The following FAM171B variants were observed in gnomAD, a reference collection of about 807,000 sequenced individuals.
The protein encoded by FAM171B is family with sequence similarity 171 member B, also known as protein FAM171B.
In FAM171B, 19 loss-of-function variants were observed where a neutral mutation model predicts 75.6. The ratio of observed to expected loss-of-function variants is 0.25; its 90% CI spans 0.18 to 0.37. The LOEUF is 0.37. FAM171B is among the 10% of genes least tolerant of loss of function. The probability of loss-of-function intolerance (pLI) is 1.00; values close to 1 mark genes in which losing one functional copy is unlikely to be tolerated. For missense variants in FAM171B, 848 were observed against 982.4 expected, an observed-to-expected ratio of 0.86 and a Z score of 1.83; for synonymous variants, 367 against 361.7, an observed-to-expected ratio of 1.01 and a Z score of -0.17.
At chr2:186,728,186 A>G (rs1342933711) in intron 1 of FAM171B, among the ~76,000 whole-genome samples, 1 of 152,180 alleles carries the variant, frequency 6.6e-6, no homozygotes, top group Non-Finnish European at 1.5e-5. Context: ...AGCAAAGTAG[A>G]TATTAGTGTC....
intron 4 of FAM171B, among the ~76,000 whole-genome samples, chr2:186,748,116 G>A (rs527496786): frequency 1.3e-5 from 2 of 152,048 alleles, no homozygotes; most frequent in East Asian, 3.9e-4. Context: ...TAGGGATGGG[G>A]TTTCGCCATG....
chr2:186,727,182 T>C (rs1258896688), intron 1 of FAM171B, among the ~76,000 whole-genome samples: 1 of 152,158 alleles, frequency 6.6e-6, no homozygotes, highest in African/African-American at 2.4e-5. Context: ...AACCTGACTT[T>C]TGCAGAGAGA....
Position 186,761,812 on chromosome 2 carries a change from G to T in FAM171B, c.1470G>T (p.Gly490=). 1.9e-6 allele frequency: 3 copies of T among 1,613,082 alleles called. No homozygotes were observed. Among genetic ancestry groups the T allele is most frequent in the Non-Finnish European group, 2.5e-6 (3 of 1,179,738 alleles). The change falls in exon 8 of 8, where the codon GGG becomes GGT. Residue 490 remains glycine (G), a synonymous_variant. Transcript: ENST00000304698. The part of the protein sequence containing the change: ...NPTQSLEPNV[G]SKQPKHINNN... ...CACAGTCTTTGGAGCCCAATGTAGG[G>T]TCCAAACAACCTAAACATATTAACA...
At position 186,743,528 on chromosome 2, in the gene FAM171B, A is replaced by T; in HGVS notation, c.518A>T (p.Asn173Ile). 1 of 1,613,352 alleles carries T rather than the reference A, an allele frequency of 6.2e-7. No homozygotes were observed. The highest frequency in any genetic ancestry group is 8.5e-7 in the Non-Finnish European group (1 of 1,179,406). ...TCACTGTTCCCGCAAAGCCAAGCAA[A>T]TATATGGCTATTTGAAGACACTGTT... ...TLSLFPQSQANIWLFEDTVLI... is the reference protein window; with the variant it reads ...TLSLFPQSQAIIWLFEDTVLI... Residue 173 changes from asparagine (N) to isoleucine (I), a missense_variant, in exon 3 of 8, where the codon AAT (asparagine) becomes ATT (isoleucine). Around this residue, in one of 3 missense-constraint regions of FAM171B, gnomAD observed 665 missense variants for 729.0 expected, o/e 0.91. Coordinates refer to ENST00000304698, the MANE Select transcript of FAM171B (RefSeq NM_177454.4).
intron 6 of FAM171B, among the ~76,000 whole-genome samples, chr2:186,758,128 G>A (rs1384786679): frequency 1.6e-5 from 2 of 121,938 alleles, no homozygotes; most frequent in African/African-American, 6.0e-5. Flanking sequence ...AGCGAAAACT[G>A]AGTGCTTATC....
In FAM171B at chr2:186,761,947, C is replaced by T. The variant is rs768464704; in HGVS notation, c.1605C>T (p.Tyr535=). 2 of 1,613,390 alleles carry T rather than the reference C, an allele frequency of 1.2e-6. No homozygotes were observed. Among genetic ancestry groups the T allele is most frequent in the East Asian group, 2.2e-5 (1 of 44,822 alleles). ...TTCCTGAACAGCTTATGCATATTTA[C>T]AGCCAACCCATTGCCATCCTTCAAA... The part of the protein sequence containing the change: ...SHIPEQLMHI[Y]SQPIAILQTS... The change falls in exon 8 of 8, where the codon TAC becomes TAT. Residue 535 remains tyrosine (Y), a synonymous_variant. Coordinates refer to ENST00000304698, the MANE Select transcript of FAM171B (RefSeq NM_177454.4).
At chr2:186,700,442 G>T (rs1479096295) in intron 1 of FAM171B, among the ~76,000 whole-genome samples, 2 of 152,000 alleles carry the variant, frequency 1.3e-5, no homozygotes, top group African/African-American at 4.8e-5. Flanking sequence ...CTGATGTGTT[G>T]ATTTCATTTT....
At chr2:186,705,967 C>A (rs1282071353) in intron 1 of FAM171B, among the ~76,000 whole-genome samples, 1 of 152,124 alleles carries the variant, frequency 6.6e-6, no homozygotes, top group Non-Finnish European at 1.5e-5. Context: ...CCTGAAAAAA[C>A]CCTTTGTTCA....
chr2:186,762,841 TG>T lies in FAM171B; in HGVS notation c.*19del. On this transcript the variant is annotated 3_prime_UTR_variant, in exon 8 of 8. Transcript: ENST00000304698. The surrounding 1 kb of genome is among the most constrained non-coding windows in gnomAD (Gnocchi z 4.0). ...TAAATTAACTCCAATGGGGATTGTGTGTCTGCTGTCTCGTGCTGTTTATTCT... is the reference window on the plus strand; with the variant it reads ...TAAATTAACTCCAATGGGGATTGTGTTCTGCTGTCTCGTGCTGTTTATTCT... The T allele has an allele frequency of 6.3e-7, 1 of 1,592,804 alleles. No individual in the cohort carries two copies. The highest frequency in any genetic ancestry group is 8.6e-7 in the Non-Finnish European group (1 of 1,169,466).
intron 6 of FAM171B, among the ~76,000 whole-genome samples, chr2:186,754,353 C>T (rs1690498993): frequency 2.6e-5 from 4 of 152,070 alleles, no homozygotes; most frequent in African/African-American, 9.7e-5. Flanking sequence ...CTTTTGGTTG[C>T]AAGCAACAGA....
rs2105767266 is a variant in FAM171B, at chr2:186,694,326, A to ACAG, written c.155_156insGCA (p.Gln56dup). 1.5e-6 allele frequency: 2 copies of ACAG among 1,320,736 alleles called. No homozygotes were observed. The highest frequency in any genetic ancestry group is 2.4e-5 in the South Asian group (2 of 81,688). The allele number at this position is 1,320,736 out of a possible 1,614,324, so 81.8% of individuals were successfully genotyped here. On this transcript the variant is annotated inframe_insertion, in exon 1 of 8. Transcript: ENST00000304698. ...AACAGCAGCAGCAGCAGCAGCAACA[A>ACAG]CAACAACAACAGCAAAAGCAGCTGG... is the stretch of plus-strand genomic sequence containing the variant.
intron 1 of FAM171B, among the ~76,000 whole-genome samples, chr2:186,736,837 T>C (rs1040043548): frequency 2.6e-5 from 4 of 152,130 alleles, no homozygotes; most frequent in Non-Finnish European, 4.4e-5. Context: ...TCAGTCAACA[T>C]TGACAAGAAT....
chr2:186,722,854 T>C (rs905048939), intron 1 of FAM171B, among the ~76,000 whole-genome samples: 1 of 152,104 alleles, frequency 6.6e-6, no homozygotes, highest in Non-Finnish European at 1.5e-5. Flanking sequence ...TGGCTTGGAG[T>C]TGTGCAGCTC....
intron 4 of FAM171B, 73 bp downstream of exon 4, chr2:186,747,323 A>G: frequency 9.6e-7 from 1 of 1,045,510 alleles, no homozygotes; most frequent in Non-Finnish European, 1.3e-6. Flanking sequence ...ATATTTAGCT[A>G]TCTATAATAG....
intron 6 of FAM171B, among the ~76,000 whole-genome samples, chr2:186,758,217 CTG>C (rs1559093813): frequency 6.6e-6 from 1 of 152,136 alleles, no homozygotes; most frequent in East Asian, 1.9e-4. Flanking sequence ...TTAGATATAA[CTG>C]TTACTGCTCT....
intron 1 of FAM171B, among the ~76,000 whole-genome samples, chr2:186,731,100 G>T (rs1447834708): frequency 6.6e-6 from 1 of 152,086 alleles, no homozygotes; most frequent in Non-Finnish European, 1.5e-5. Flanking sequence ...CATGTTTTTG[G>T]TACTCAACAT....
chr2:186,761,107 A>G lies in FAM171B; in HGVS notation c.1013-6A>G, dbSNP rs758112305. 4.4e-6 allele frequency: 7 copies of G among 1,604,002 alleles called. No individual in the cohort carries two copies. The highest frequency in any genetic ancestry group is 1.1e-5 in the South Asian group (1 of 89,042). ...ATTTTCTCTTTGTTTATATTGAACC[A>G]TGTAGGTTCAGGTATAAATGAAGAT... On this transcript the variant is annotated splice_polypyrimidine_tract_variant and splice_region_variant and intron_variant, in intron 6 of 7. Transcript: ENST00000304698.
At chr2:186,739,327 A>G (rs1224915342) in intron 1 of FAM171B, among the ~76,000 whole-genome samples, 2 of 152,214 alleles carry the variant, frequency 1.3e-5, no homozygotes, top group Non-Finnish European at 2.9e-5. Flanking sequence ...TCTTTCTTCA[A>G]TAAGTTAACC....
At chr2:186,716,262 C>T (rs899837715) in intron 1 of FAM171B, among the ~76,000 whole-genome samples, 1 of 152,130 alleles carries the variant, frequency 6.6e-6, no homozygotes, top group African/African-American at 2.4e-5. Context: ...GATCATCCTG[C>T]CTCAGCCTCC....
Sources: allele counts gnomAD v4.1 joint callset (sites outside exome capture counted in the v4.1 genomes callset), GRCh38; gene constraint gnomAD v4.1.1; regional missense constraint gnomAD v4.1.1; non-coding constraint Gnocchi (gnomAD v3.1); transcripts MANE v1.5; gene names NCBI Gene and HGNC (gene_info 2026-07-23, HGNC 2026-07-21).